The following BEND6 variants were observed in gnomAD, a reference collection of about 807,000 sequenced individuals.
BEND6 encodes BEN domain containing 6.
A neutral mutation model predicts 31.8 loss-of-function variants in BEND6; 24 were observed. The observed-to-expected ratio is 0.75, with a 90% CI of 0.55 to 1.06. BEND6 has a LOEUF of 1.06. Ranked by LOEUF, BEND6 falls within the 50% of genes least tolerant of loss-of-function variation. BEND6 has a pLI of 0.00. For missense variants in BEND6, 294 were observed against 327.4 expected, an observed-to-expected ratio of 0.90 and a Z score of 0.79; for synonymous variants, 109 against 114.6, an observed-to-expected ratio of 0.95 and a Z score of 0.31.
rs1317025833 is a variant in BEND6, at chr6:57,026,709, G to A, written c.*637G>A. The A allele has an allele frequency of 6.6e-6, 1 of 152,140 alleles. No individual in the cohort carries two copies. Among genetic ancestry groups the A allele is most frequent in the African/African-American group, 2.4e-5 (1 of 41,452 alleles). 9.4% of individuals were successfully genotyped at this position (152,140 alleles called of 1,614,324 possible). On this transcript the variant is annotated 3_prime_UTR_variant, in exon 7 of 7. Transcript: ENST00000370746. ...ATGAAAAAAATGACAACAGCAAGAT[G>A]TTTTATTTTAATGTTAAGCAATTCC...
At chr6:57,000,815 C>T (rs904470243) in intron 3 of BEND6, among the ~76,000 whole-genome samples, 2 of 150,074 alleles carry the variant, frequency 1.3e-5, no homozygotes, top group African/African-American at 4.9e-5. Context: ...ATGATTAACC[C>T]ACACTCCCTT....
intron 5 of BEND6, 107 bp downstream of exon 5, chr6:57,017,506 T>TTTCCCA: frequency 2.1e-6 from 2 of 966,758 alleles, no homozygotes; most frequent in Non-Finnish European, 1.4e-6. Flanking sequence ...TTTATTTTTC[T>TTTCCCA]GGGAAAGAAA....
chr6:56,990,658 T>C (rs1826462733), intron 2 of BEND6, among the ~76,000 whole-genome samples: 1 of 152,202 alleles, frequency 6.6e-6, no homozygotes, highest in South Asian at 2.1e-4. Context: ...ACCCTGCTGC[T>C]TATACTTCTT....
chr6:56,976,649 C>G (rs929701773), intron 1 of BEND6, among the ~76,000 whole-genome samples: 2 of 152,172 alleles, frequency 1.3e-5, no homozygotes, highest in African/African-American at 4.8e-5. Context: ...ATTGCAACCT[C>G]TGCCTCCTGG....
chr6:56,971,570 C>A (rs751689192), intron 1 of BEND6, among the ~76,000 whole-genome samples: 1 of 152,196 alleles, frequency 6.6e-6, no homozygotes, highest in South Asian at 2.1e-4. Context: ...AGTGGCTGCA[C>A]CATCTTACAT....
At chr6:56,985,056 C>T (rs1335651295) in intron 2 of BEND6, among the ~76,000 whole-genome samples, 1 of 152,198 alleles carries the variant, frequency 6.6e-6, no homozygotes, top group Non-Finnish European at 1.5e-5. Context: ...TACATACCAG[C>T]ATTGTTTTTC....
At chr6:56,987,895 C>G (rs1460048028) in intron 2 of BEND6, among the ~76,000 whole-genome samples, 5 of 152,062 alleles carry the variant, frequency 3.3e-5, no homozygotes, top group Non-Finnish European at 5.9e-5. Flanking sequence ...ATCCTTTTGT[C>G]TCAACACAGC....
chr6:56,970,105 T>G lies in BEND6; in HGVS notation c.-100-11606T>G, dbSNP rs1291645456. On this transcript the variant is annotated intron_variant, in intron 1 of 6. Transcript: ENST00000370746. Reference sequence around the variant, plus strand: ...TAAAATTTTGTTTTAGTTGCATGTGTGTGTGTATTTTCTAGATCAAAATGT... The same window carrying G: ...TAAAATTTTGTTTTAGTTGCATGTGGGTGTGTATTTTCTAGATCAAAATGT... Among the ~76,000 whole-genome samples the G allele has an allele frequency of 2.0e-5, 3 of 152,212 alleles. No homozygotes were observed. The East Asian group carries it at 5.8e-4, about 29-fold the overall frequency.
chr6:56,958,644 G>A (rs1386974488), intron 1 of BEND6, among the ~76,000 whole-genome samples: 1 of 152,230 alleles, frequency 6.6e-6, no homozygotes, highest in East Asian at 1.9e-4. Flanking sequence ...AATGGAAATA[G>A]AGGAAATGAC....
Position 57,026,828 on chromosome 6 carries a change from C to T in BEND6, c.*756C>T, listed in dbSNP as rs1288770753. 6.6e-6 allele frequency: 1 copy of T among 152,140 alleles called. No individual in the cohort carries two copies. Among genetic ancestry groups the T allele is most frequent in the Non-Finnish European group, 1.5e-5 (1 of 68,032 alleles). The allele number at this position is 152,140 out of a possible 1,614,324, so 9.4% of individuals were successfully genotyped here. ...TCTTTTTGTTTGTTTATTTACCAGA[C>T]ATGTTCTAACTTTGTATTGCCCAAA... On this transcript the variant is annotated 3_prime_UTR_variant, in exon 7 of 7. Coordinates refer to ENST00000370746, the MANE Select transcript of BEND6 (RefSeq NM_152731.3).
At chr6:57,019,285 C>T (rs895502621) in intron 6 of BEND6, among the ~76,000 whole-genome samples, 4 of 152,126 alleles carry the variant, frequency 2.6e-5, no homozygotes, top group Non-Finnish European at 2.9e-5. Flanking sequence ...TCCTGGCTAG[C>T]TCACTTTTAC....
chr6:56,983,440 T>TA (rs1272963420), intron 2 of BEND6, among the ~76,000 whole-genome samples: 1 of 152,048 alleles, frequency 6.6e-6, no homozygotes, highest in Non-Finnish European at 1.5e-5. Flanking sequence ...TCCTCTGACT[T>TA]ACATCTCCTC....
chr6:57,007,700 C>T (rs926363907), intron 3 of BEND6, among the ~76,000 whole-genome samples: 7 of 151,876 alleles, frequency 4.6e-5, no homozygotes, highest in South Asian at 2.1e-4. Context: ...GAGGCTGAGG[C>T]GGGAAGATAG....
chr6:57,007,687 C>T (rs1027884729), intron 3 of BEND6, among the ~76,000 whole-genome samples: 12 of 151,722 alleles, frequency 7.9e-5, no homozygotes, highest in African/African-American at 2.2e-4. Context: ...CCCAGCTACT[C>T]GGGAGGCTGA....
chr6:57,023,759 C>T (rs896692374), intron 6 of BEND6, among the ~76,000 whole-genome samples: 5 of 152,166 alleles, frequency 3.3e-5, no homozygotes, highest in Admixed American at 6.5e-5. Context: ...GCACATGCCA[C>T]CACACCTAGC....
At chr6:57,015,851 T>A (rs910632751) in intron 4 of BEND6, among the ~76,000 whole-genome samples, 13 of 150,530 alleles carry the variant, frequency 8.6e-5, no homozygotes, top group African/African-American at 2.9e-4. Context: ...GCGCTTGACC[T>A]AGCCTGAGGA....
chr6:57,000,884 GA>G (rs142783287), intron 3 of BEND6, among the ~76,000 whole-genome samples: 42,900 of 99,516 alleles, frequency 0.43, 7,105 homozygotes, highest in Middle Eastern at 0.55. Flanking sequence ...CACTTCCTCT[GA>G]AAAAAAAAAA....
chr6:56,955,611 T>TC (rs571167156), intron 1 of BEND6, among the ~76,000 whole-genome samples, 151 bp downstream of exon 1: 119 of 152,284 alleles, frequency 7.8e-4, no homozygotes, highest in Middle Eastern at 6.8e-3. Context: ...TACGCTCTGG[T>TC]CGGCAGAGGT....
intron 6 of BEND6, among the ~76,000 whole-genome samples, chr6:57,024,198 G>A (rs1019849943): frequency 6.6e-6 from 1 of 152,112 alleles, no homozygotes; most frequent in African/African-American, 2.4e-5. Context: ...TTATTGTTTT[G>A]ATACATTTGT....
Sources: allele counts gnomAD v4.1 joint callset (sites outside exome capture counted in the v4.1 genomes callset), GRCh38; gene constraint gnomAD v4.1.1; transcripts MANE v1.5; gene names NCBI Gene and HGNC (gene_info 2026-07-23, HGNC 2026-07-21).